COL7A1: variants seen among roughly 807,000 people sequenced by gnomAD.
COL7A1 encodes the protein collagen type VII alpha 1 chain.
Under a neutral mutation model 456.2 loss-of-function variants are expected in COL7A1, and 296 were observed. That is an observed-to-expected ratio of 0.65 (90% CI 0.59 to 0.71). The LOEUF is 0.71. COL7A1 is among the 30% of genes least tolerant of loss of function. The pLI is 0.00. For synonymous variants in COL7A1, 1,464 were observed against 1,525.9 expected (o/e 0.96, Z 0.95); for missense variants, 3,441 against 4,017.2 (o/e 0.86, Z 3.88).
rs1260340190 is a variant in COL7A1, at chr3:48,565,404, C to A, written c.8527+6G>T. 1.2e-6 allele frequency: 2 copies of A among 1,601,306 alleles called. No individual in the cohort carries two copies. Among genetic ancestry groups the A allele is most frequent in the African/African-American group, 2.7e-5 (2 of 74,904 alleles). ...ATAGCTGCCCCACGGGTTCAGCTGT[C>A]CTCACCTTCCTCCTCTGCATGAGAG... On this transcript the variant is annotated splice_donor_region_variant and intron_variant, in intron 116 of 118. Transcript: ENST00000681320. This position sits in a 1 kb window ranked among gnomAD's most constrained non-coding sequence, Gnocchi z 4.5.
At position 48,587,513 on chromosome 3, in the gene COL7A1, T is replaced by C; in HGVS notation, c.2899A>G (p.Thr967Ala). 6.2e-7 allele frequency: 1 copy of C among 1,613,370 alleles called. No individual in the cohort carries two copies. Among genetic ancestry groups the C allele is most frequent in the Non-Finnish European group, 8.5e-7 (1 of 1,179,998 alleles). ...GCCAAAGTCACCGAGTCGATCGAGG[T>C]GTCCACCACACGTAGTTCAATGCTT... ...VPSIELRVVD[T>A]SIDSVTLAWT... The change falls in exon 23 of 119, where the codon ACC becomes GCC. Residue 967 changes from threonine (T) to alanine (A), a missense_variant. Thr to Ala is a moderately conservative substitution (Grantham distance 58). This residue lies in a region of COL7A1 where 444 missense variants were observed against 427.6 expected (regional missense o/e 1.04). Coordinates refer to ENST00000681320, the MANE Select transcript of COL7A1 (RefSeq NM_000094.4). The surrounding 1 kb of genome is among the most constrained non-coding windows in gnomAD (Gnocchi z 6.1).
Position 48,591,844 on chromosome 3 carries a change from C to G in COL7A1, c.1358-22G>C. 1 of 1,614,184 alleles carries G rather than the reference C, an allele frequency of 6.2e-7. No individual in the cohort carries two copies. Among genetic ancestry groups the G allele is most frequent in the Non-Finnish European group, 8.5e-7 (1 of 1,180,022 alleles). ...AAGCCTGCAAGATAACAGGGTCAGA[C>G]CAGCAGAGGCCATGCCCTGACCCTT... is the stretch of plus-strand genomic sequence containing the variant. On this transcript the variant is annotated intron_variant, in intron 11 of 118. Coordinates refer to ENST00000681320, the MANE Select transcript of COL7A1 (RefSeq NM_000094.4). This position sits in a 1 kb window ranked among gnomAD's most constrained non-coding sequence, Gnocchi z 7.0.
Position 48,594,606 on chromosome 3 carries a change from G to A in COL7A1, c.86-58C>T. On this transcript the variant is annotated intron_variant, in intron 2 of 118. Transcript: ENST00000681320. This position sits in a 1 kb window ranked among gnomAD's most constrained non-coding sequence, Gnocchi z 5.5. ...TGGGAGGCCAACCACCCGCCTACCC[G>A]CACGGTGGCCTCACTGGGACTTGGG... 1.3e-6 allele frequency: 2 copies of A among 1,525,004 alleles called. No homozygotes were observed. The highest frequency in any genetic ancestry group is 8.8e-7 in the Non-Finnish European group (1 of 1,135,044). The allele number at this position is 1,525,004 out of a possible 1,614,324, so 94.5% of individuals were successfully genotyped here.
chr3:48,575,222 T>G lies in COL7A1; in HGVS notation c.6201A>C (p.Gly2067=). The change falls in exon 75 of 119, where the codon GGA becomes GGC. Residue 2067 remains glycine, a synonymous_variant. Coordinates refer to ENST00000681320, the MANE Select transcript of COL7A1 (RefSeq NM_000094.4). The surrounding 1 kb of genome is among the most constrained non-coding windows in gnomAD (Gnocchi z 6.3). Reference sequence around the variant, plus strand: ...CGCAGCCCACCTGTTCTCCACGTTCTCCTTTCTCTCCCCGTTCTCCCTGAA... The same window carrying G: ...CGCAGCCCACCTGTTCTCCACGTTCGCCTTTCTCTCCCCGTTCTCCCTGAA... ...PGERGERGEK[G]ERGEQGRDGP... The G allele has an allele frequency of 1.2e-6, 2 of 1,614,026 alleles. No homozygotes were observed. The highest frequency in any genetic ancestry group is 2.2e-5 in the South Asian group (2 of 91,082).
intron 44 of COL7A1, 121 bp downstream of exon 44, chr3:48,582,892 G>A (rs2044875343): frequency 6.9e-6 from 10 of 1,449,850 alleles, no homozygotes; most frequent in Non-Finnish European, 9.7e-6. Flanking sequence ...GTATCAGCAG[G>A]GATAAGTGGT....
Position 48,592,715 on chromosome 3 carries a change from G to C in COL7A1, c.847-16C>G, listed in dbSNP as rs758267473. The stretch of plus-strand genomic sequence containing the variant: ...GGACGTTCACCTGCCCAGGGCAAGA[G>C]GTCACTTTATCTTGCCCAGCCAAGT... On this transcript the variant is annotated splice_polypyrimidine_tract_variant and intron_variant, in intron 7 of 118. Transcript: ENST00000681320. This position sits in a 1 kb window ranked among gnomAD's most constrained non-coding sequence, Gnocchi z 7.6. 1.2e-6 allele frequency: 2 copies of C among 1,613,514 alleles called. No individual in the cohort carries two copies. Among genetic ancestry groups the C allele is most frequent in the Non-Finnish European group, 8.5e-7 (1 of 1,180,042 alleles).
At position 48,588,489 on chromosome 3, in the gene COL7A1, G is replaced by T; in HGVS notation, c.2588-85C>A. 1 of 1,592,500 alleles carries T rather than the reference G, an allele frequency of 6.3e-7. No homozygotes were observed. Reference sequence around the variant, plus strand: ...AGGCCCACCCTGGCACACGCACCCCGCCCAGCCTCTCAGACCCCTCTCCCT... The same window carrying T: ...AGGCCCACCCTGGCACACGCACCCCTCCCAGCCTCTCAGACCCCTCTCCCT... On this transcript the variant is annotated intron_variant, in intron 20 of 118. Coordinates refer to ENST00000681320, the MANE Select transcript of COL7A1 (RefSeq NM_000094.4). The surrounding 1 kb of genome is among the most constrained non-coding windows in gnomAD (Gnocchi z 4.6).
chr3:48,591,695 G>A lies in COL7A1; in HGVS notation c.1485C>T (p.Thr495=), dbSNP rs1575489466. Residue 495 remains threonine (T), a synonymous_variant, in exon 12 of 119, where the codon ACC becomes ACT. Coordinates refer to ENST00000681320, the MANE Select transcript of COL7A1 (RefSeq NM_000094.4). The surrounding 1 kb of genome is among the most constrained non-coding windows in gnomAD (Gnocchi z 7.0). ...CACCAGTGGGAACCACGGTTGCAGG[G>A]GTGGCCACCTCGTGGCCCTCCAGCA... ...YTLLEGHEVA[T]PATVVPTGPE... is the part of the protein sequence containing the mutation. 16 of 1,614,120 alleles carry A rather than the reference G, an allele frequency of 9.9e-6. No individual in the cohort carries two copies. The highest frequency in any genetic ancestry group is 1.4e-5 in the Non-Finnish European group (16 of 1,180,020).
chr3:48,576,995 C>A lies in COL7A1; in HGVS notation c.5565G>T (p.Arg1855Ser). The A allele has an allele frequency of 6.2e-7, 1 of 1,614,020 alleles. No homozygotes were observed. Among genetic ancestry groups the A allele is most frequent in the Non-Finnish European group, 8.5e-7 (1 of 1,180,042 alleles). The change falls in exon 66 of 119, where the codon AGG (arginine) becomes AGT (serine). Residue 1855 changes from arginine to serine, a missense_variant. Around this residue, in one of 3 missense-constraint regions of COL7A1, gnomAD observed 2,084 missense variants for 2,501.3 expected, o/e 0.83. Transcript: ENST00000681320. ...GEPGDPGEDG[R>S]KGEKGDSGAS... Reference sequence around the variant, plus strand: ...GACCCCAGGTGGGGGACTTTACCTTCCTCCCGTCTTCTCCAGGGTCCCCAG... The same window carrying A: ...GACCCCAGGTGGGGGACTTTACCTTACTCCCGTCTTCTCCAGGGTCCCCAG...
Position 48,571,053 on chromosome 3 carries a change from G to A in COL7A1, c.7164+48C>T. ...ATCAGAACTCCCTCTTCCTCCTGTG[G>A]GGGCCCGGCCTGCTGCCCCTACAAC... On this transcript the variant is annotated intron_variant, in intron 94 of 118. Coordinates refer to ENST00000681320, the MANE Select transcript of COL7A1 (RefSeq NM_000094.4). The surrounding 1 kb of genome is among the most constrained non-coding windows in gnomAD (Gnocchi z 4.6). The A allele has an allele frequency of 6.2e-7, 1 of 1,612,676 alleles. No homozygotes were observed. Among genetic ancestry groups the A allele is most frequent in the Non-Finnish European group, 8.5e-7 (1 of 1,178,962 alleles).
In COL7A1 at chr3:48,594,359, C is replaced by T. The variant is rs1370876815; in HGVS notation, c.266+9G>A. The stretch of plus-strand genomic sequence containing the variant: ...CTCGTGGTCCCCAGCCCCCAGGGCC[C>T]CTACTCACCGTGGGTCATCGCTGTA... On this transcript the variant is annotated intron_variant, in intron 3 of 118. Transcript: ENST00000681320. This position sits in a 1 kb window ranked among gnomAD's most constrained non-coding sequence, Gnocchi z 5.5. 6.2e-7 allele frequency: 1 copy of T among 1,606,606 alleles called. No homozygotes were observed. Among genetic ancestry groups the T allele is most frequent in the Non-Finnish European group, 8.5e-7 (1 of 1,178,986 alleles).
At position 48,589,434 on chromosome 3, in the gene COL7A1, G is replaced by A. The variant is rs1287048414; in HGVS notation, c.2207C>T (p.Thr736Met). The A allele has an allele frequency of 3.7e-6, 6 of 1,613,588 alleles. No homozygotes were observed. Among genetic ancestry groups the A allele is most frequent in the South Asian group, 1.1e-5 (1 of 91,088 alleles). ...CTCCAGTCCATCCAGCTCAGCCACC[G>A]TGGCCTCCCCAGAAACCAACTGGGA... ...EKSQLVSGEA[T>M]VAELDGLEPD... The change falls in exon 18 of 119, where the codon ACG becomes ATG. Residue 736 changes from threonine (T) to methionine (M), a missense_variant. Transcript: ENST00000681320.
rs2043511459 is a variant in COL7A1, at chr3:48,564,337, G to A, written c.*69C>T. On this transcript the variant is annotated 3_prime_UTR_variant, in exon 119 of 119. Transcript: ENST00000681320. The surrounding 1 kb of genome is among the most constrained non-coding windows in gnomAD (Gnocchi z 6.0). ...CACAAGCCTCTAGCACCAAGGGGAG[G>A]GACAGTGGGGTTCTGCTGAGACCCC... 3 of 1,572,582 alleles carry A rather than the reference G, an allele frequency of 1.9e-6. No homozygotes were observed. Among genetic ancestry groups the A allele is most frequent in the Middle Eastern group, 1.7e-4 (1 of 5,990 alleles).
rs142560414 is a variant in COL7A1, at chr3:48,584,332, C to A, written c.4163G>T (p.Arg1388Leu). 1 of 1,613,004 alleles carries A rather than the reference C, an allele frequency of 6.2e-7. No individual in the cohort carries two copies. The change falls in exon 37 of 119, where the codon CGT (arginine) becomes CTT (leucine). Residue 1388 changes from arginine (R) to leucine (L), a missense_variant. Physicochemically the swap from Arg to Leu is moderately radical, Grantham distance 102. Transcript: ENST00000681320. Reference sequence around the variant, plus strand: ...TGTTCCAGGAAGCCCTGGGGGGCCACGGGGTCCTGGGTCCCCCAGTGGTCC... The same window carrying A: ...TGTTCCAGGAAGCCCTGGGGGGCCAAGGGGTCCTGGGTCCCCCAGTGGTCC... The part of the protein sequence containing the change: ...PRGPLGDPGP[R>L]GPPGLPGTAM...
chr3:48,589,388 C>T lies in COL7A1; in HGVS notation c.2253G>A (p.Val751=), dbSNP rs200345856. The change falls in exon 18 of 119, where the codon GTG becomes GTA. Residue 751 remains valine, a synonymous_variant. Coordinates refer to ENST00000681320, the MANE Select transcript of COL7A1 (RefSeq NM_000094.4). ...CGCCAGCCACATGGGCCCTCACATG[C>T]ACCGTATACTCAGTATCTGGCTCCA... ...DGLEPDTEYT[V]HVRAHVAGVD... 1 of 1,613,556 alleles carries T rather than the reference C, an allele frequency of 6.2e-7. No homozygotes were observed. The highest frequency in any genetic ancestry group is 2.2e-5 in the East Asian group (1 of 44,894).
rs2043540189 is a variant in COL7A1, at chr3:48,565,057, C to T, written c.8620+52G>A. Reference sequence around the variant, plus strand: ...AAAGGTCAGGGGGAGGTCAGCAGGGCTCAGCCCTGCCTGCCCCTCCCCAGA... The same window carrying T: ...AAAGGTCAGGGGGAGGTCAGCAGGGTTCAGCCCTGCCTGCCCCTCCCCAGA... On this transcript the variant is annotated intron_variant, in intron 117 of 118. Coordinates refer to ENST00000681320, the MANE Select transcript of COL7A1 (RefSeq NM_000094.4). This position sits in a 1 kb window ranked among gnomAD's most constrained non-coding sequence, Gnocchi z 4.5. 2.5e-6 allele frequency: 4 copies of T among 1,605,210 alleles called. No homozygotes were observed. The highest frequency in any genetic ancestry group is 3.4e-6 in the Non-Finnish European group (4 of 1,176,188).
Position 48,570,743 on chromosome 3 carries a change from G to A in COL7A1, c.7273-33C>T, listed in dbSNP as rs766197750. The A allele has an allele frequency of 1.1e-5, 17 of 1,561,122 alleles. No homozygotes were observed. The highest frequency in any genetic ancestry group is 1.5e-5 in the Non-Finnish European group (17 of 1,151,874). Reference sequence around the variant, plus strand: ...AAAAATGGGGCAAGAGAGGCAGAGAGTGACTTGGGAACCCTCCTACCCTCT... The same window carrying A: ...AAAAATGGGGCAAGAGAGGCAGAGAATGACTTGGGAACCCTCCTACCCTCT... On this transcript the variant is annotated intron_variant, in intron 95 of 118. Coordinates refer to ENST00000681320, the MANE Select transcript of COL7A1 (RefSeq NM_000094.4). The surrounding 1 kb of genome is among the most constrained non-coding windows in gnomAD (Gnocchi z 5.5).
At position 48,564,762 on chromosome 3, in the gene COL7A1, C is replaced by G. The variant is rs202008554; in HGVS notation, c.8818+21G>C. On this transcript the variant is annotated intron_variant, in intron 118 of 118. Coordinates refer to ENST00000681320, the MANE Select transcript of COL7A1 (RefSeq NM_000094.4). This position sits in a 1 kb window ranked among gnomAD's most constrained non-coding sequence, Gnocchi z 6.0. Reference sequence around the variant, plus strand: ...GGCAGGCTCAGTGCCCAGTTCCCCACGGTGGGGGCTCAGCCCATACCTGTC... The same window carrying G: ...GGCAGGCTCAGTGCCCAGTTCCCCAGGGTGGGGGCTCAGCCCATACCTGTC... The G allele has an allele frequency of 6.2e-7, 1 of 1,609,544 alleles. No individual in the cohort carries two copies. Among genetic ancestry groups the G allele is most frequent in the South Asian group, 1.1e-5 (1 of 90,760 alleles).
In COL7A1 at chr3:48,569,431, G is replaced by A. The variant is rs780343194; in HGVS notation, c.7630C>T (p.Arg2544Trp). The A allele has an allele frequency of 6.2e-6, 10 of 1,613,980 alleles. No individual in the cohort carries two copies. The highest frequency in any genetic ancestry group is 1.7e-5 in the Admixed American group (1 of 59,990). ...GGTCCTTTGTCACCATCCAAGCCCC[G>A]AGGCCCTCGTTCACCCTGGGTTGGT... ...AKGDMGERGP[R>W]GLDGDKGPRG... Residue 2544 changes from arginine to tryptophan, a missense_variant, in exon 103 of 119, where the codon CGG (arginine) becomes TGG (tryptophan). This residue lies in a region of COL7A1 where 2,084 missense variants were observed against 2,501.3 expected (regional missense o/e 0.83). Coordinates refer to ENST00000681320, the MANE Select transcript of COL7A1 (RefSeq NM_000094.4). The surrounding 1 kb of genome is among the most constrained non-coding windows in gnomAD (Gnocchi z 4.9).
Sources: gnomAD v4.1 joint callset for allele counts on GRCh38, gnomAD v4.1.1 for gene constraint, gnomAD v4.1.1 regional missense constraint, Gnocchi (gnomAD v3.1) non-coding constraint, MANE v1.5 for transcripts, NCBI Gene and HGNC (gene_info 2026-07-23, HGNC 2026-07-21) for gene names.